Variants in SNX29 observed in about 807,000 individuals in gnomAD.
SNX29 encodes the protein sorting nexin 29.
A neutral mutation model predicts 102.1 loss-of-function variants in SNX29; 78 were observed. The observed-to-expected ratio is 0.76, with a 90% CI of 0.64 to 0.92. SNX29 has a LOEUF of 0.92. Among genes scored for constraint, SNX29 ranks in the 40% least tolerant of loss-of-function variants. The probability of loss-of-function intolerance (pLI) is 0.00; values close to 1 mark genes in which losing one functional copy is unlikely to be tolerated. For synonymous variants in SNX29, 580 were observed against 414.5 expected, an observed-to-expected ratio of 1.40 and a Z score of -4.85; for missense variants, 1,280 against 1,061.7, an observed-to-expected ratio of 1.21 and a Z score of -2.86.
chr16:12,285,973 C>T (rs907718336), intron 15 of SNX29, among the ~76,000 whole-genome samples: 1 of 151,782 alleles, frequency 6.6e-6, no homozygotes, highest in East Asian at 1.9e-4. Flanking sequence ...CTCCTGCTTC[C>T]CCCTCCACAG....
At chr16:12,138,848 T>G (rs1223728736) in intron 13 of SNX29, among the ~76,000 whole-genome samples, 1 of 151,962 alleles carries the variant, frequency 6.6e-6, no homozygotes. Flanking sequence ...TGTAGGTGAG[T>G]AAACTTTTTT....
rs67193889 is a variant in SNX29, at chr16:12,403,202, A to ATGTGTG, written c.1956-198_1956-193dup. ...ATTCCGGAGTACAGATTGTGTGTGT[A>ATGTGTG]TGTGTGTGTGTGTGTGTGTGTGTGT... On this transcript the variant is annotated intron_variant, in intron 17 of 20. Coordinates refer to ENST00000566228, the MANE Select transcript of SNX29 (RefSeq NM_032167.5). 5.3e-3 allele frequency among the ~76,000 whole-genome samples: 379 copies of ATGTGTG among 70,900 alleles called. 1 individual carries two copies. The highest frequency in any genetic ancestry group is 7.7e-3 in the Non-Finnish European group (263 of 34,186). 46.5% of individuals were successfully genotyped at this position (70,900 alleles called of 152,430 possible). A position where few individuals can be genotyped will look rare whatever the true frequency, so the allele number is the denominator to read the frequency against.
At chr16:12,148,396 G>T (rs2055154903) in intron 13 of SNX29, among the ~76,000 whole-genome samples, 1 of 152,196 alleles carries the variant, frequency 6.6e-6, no homozygotes, top group Admixed American at 6.5e-5. Context: ...TAAATCCACA[G>T]ATGGTCTCTG....
In SNX29 at chr16:12,159,985, A is replaced by C. The variant is rs1245984390; in HGVS notation, c.1595+30227A>C. 3.3e-5 allele frequency among the ~76,000 whole-genome samples: 5 copies of C among 152,132 alleles called. No homozygotes were observed. The East Asian group carries it at 9.6e-4, about 29-fold the overall frequency. ...TTTCTTTACTGAAAATCTATTCTTC[A>C]CCTCTCTTGTCTCTGGGAACTCTAA... On this transcript the variant is annotated intron_variant, in intron 13 of 20. Transcript: ENST00000566228.
At chr16:12,079,839 A>G (rs534290229) in intron 11 of SNX29, among the ~76,000 whole-genome samples, 57 of 152,316 alleles carry the variant, frequency 3.7e-4, no homozygotes, top group African/African-American at 1.3e-3. Flanking sequence ...TTCTCATTCC[A>G]GGCGGCAGGA....
At chr16:12,552,708 G>A (rs191203440) in intron 20 of SNX29, among the ~76,000 whole-genome samples, 3 of 152,166 alleles carry the variant, frequency 2.0e-5, no homozygotes, top group Admixed American at 1.3e-4. Flanking sequence ...ATTTAGATTG[G>A]GGGACTGATA....
At chr16:12,422,080 A>G (rs2084897360) in intron 18 of SNX29, among the ~76,000 whole-genome samples, 1 of 152,214 alleles carries the variant, frequency 6.6e-6, no homozygotes. Context: ...ATTGTCATCA[A>G]CAGTATTTCA....
intron 20 of SNX29, among the ~76,000 whole-genome samples, chr16:12,538,896 A>C (rs922636259): frequency 6.9e-6 from 1 of 144,400 alleles, no homozygotes; most frequent in Non-Finnish European, 1.5e-5. Context: ...TGCACAGATT[A>C]ATGACCTGTT....
intron 13 of SNX29, among the ~76,000 whole-genome samples, chr16:12,149,066 A>G (rs2055188668): frequency 6.6e-6 from 1 of 152,166 alleles, no homozygotes; most frequent in Non-Finnish European, 1.5e-5. Context: ...CCTGGCACAT[A>G]ATAGAGCTCA....
At chr16:12,491,650 G>A (rs962828969) in intron 19 of SNX29, among the ~76,000 whole-genome samples, 13 of 151,938 alleles carry the variant, frequency 8.6e-5, no homozygotes, top group African/African-American at 3.1e-4. Context: ...TTTAGCATTA[G>A]GTATATCTCC....
At chr16:12,147,845 C>T (rs1323495210) in intron 13 of SNX29, among the ~76,000 whole-genome samples, 1 of 152,204 alleles carries the variant, frequency 6.6e-6, no homozygotes. Flanking sequence ...GCCCTGCAGG[C>T]GGTGACAGTG....
intron 1 of SNX29, among the ~76,000 whole-genome samples, chr16:11,994,413 TGTGTG>T (rs1233360947): frequency 1.3e-5 from 2 of 152,214 alleles, no homozygotes; most frequent in African/African-American, 2.4e-5. Flanking sequence ...TGATCGCTCC[TGTGTG>T]GCAAAGTGTT....
chr16:12,554,972 G>T (rs1567189084), intron 20 of SNX29, among the ~76,000 whole-genome samples: 1 of 151,020 alleles, frequency 6.6e-6, no homozygotes, highest in Non-Finnish European at 1.5e-5. Context: ...TGGTGAGGGG[G>T]GTCAGTCAGC....
intron 20 of SNX29, among the ~76,000 whole-genome samples, chr16:12,555,196 G>C (rs544325183): frequency 1.7e-4 from 26 of 151,978 alleles, no homozygotes; most frequent in South Asian, 4.2e-4. Flanking sequence ...GTGGCATGCA[G>C]ACTGGACTAT....
intron 6 of SNX29, among the ~76,000 whole-genome samples, chr16:12,047,031 G>C (rs900975866): frequency 6.6e-6 from 1 of 152,176 alleles, no homozygotes; most frequent in African/African-American, 2.4e-5. Flanking sequence ...AATTGGAGGT[G>C]GGAGACCTAC....
intron 6 of SNX29, 28 bp downstream of exon 6, chr16:12,046,482 G>A (rs149496739): frequency 0.015 from 24,941 of 1,612,714 alleles, 262 homozygotes; most frequent in Middle Eastern, 0.051. Flanking sequence ...CAGGGTGCAG[G>A]GCCTTGTGAC....
chr16:12,497,084 C>T (rs3960201), intron 19 of SNX29, among the ~76,000 whole-genome samples: 2 of 152,044 alleles, frequency 1.3e-5, no homozygotes, highest in African/African-American at 2.4e-5. Context: ...TCTCAGCAGT[C>T]GGGACCTGCC....
intron 1 of SNX29, among the ~76,000 whole-genome samples, chr16:11,984,047 A>T (rs1596524801): frequency 6.6e-6 from 1 of 152,292 alleles, no homozygotes; most frequent in South Asian, 2.1e-4. Flanking sequence ...AAGTGTCCTT[A>T]GGGGGAAAGA....
At chr16:12,561,045 C>T (rs1451145709) in intron 20 of SNX29, 2 of 222,830 alleles carry the variant, frequency 9.0e-6, no homozygotes, top group Non-Finnish European at 9.0e-6. Flanking sequence ...CATTTCAAAC[C>T]AAGAGGTAGG....
Sources: allele counts gnomAD v4.1 joint callset (sites outside exome capture counted in the v4.1 genomes callset), GRCh38; gene constraint gnomAD v4.1.1; transcripts MANE v1.5; gene names NCBI Gene and HGNC (gene_info 2026-07-23, HGNC 2026-07-21).